LPIN2: variants seen among roughly 807,000 people sequenced by gnomAD.
LPIN2 encodes the protein phosphatidate phosphatase LPIN2.
In LPIN2, 55 loss-of-function variants were observed where a neutral mutation model predicts 111.4. That is an observed-to-expected ratio of 0.49 (90% CI 0.40 to 0.62). The LOEUF is 0.62. LPIN2 is among the 20% of genes least tolerant of loss of function. The probability of loss-of-function intolerance (pLI) is 0.00; values close to 1 mark genes in which losing one functional copy is unlikely to be tolerated. For synonymous variants in LPIN2, 425 were observed against 414.0 expected, an observed-to-expected ratio of 1.03 and a Z score of -0.32; for missense variants, 992 against 1,112.1, an observed-to-expected ratio of 0.89 and a Z score of 1.54.
At position 2,931,281 on chromosome 18, in the gene LPIN2, G is replaced by A. The variant is rs1397482128; in HGVS notation, c.1431C>T (p.Leu477=). 3 of 1,614,178 alleles carry A rather than the reference G, an allele frequency of 1.9e-6. No homozygotes were observed. The highest frequency in any genetic ancestry group is 2.5e-6 in the Non-Finnish European group (3 of 1,180,042). Residue 477 remains leucine, a synonymous_variant, in exon 9 of 20, where the codon CTC becomes CTT. Transcript: ENST00000677752. ...PDVTLSLCGG[L]SENGEISKEK... ...CTTTTGAAATTTCTCCATTTTCACT[G>A]AGGCCCCCGCAAAGGGAGAGGGTAA...
chr18:3,009,435 A>G (rs149224165), intron 1 of LPIN2, among the ~76,000 whole-genome samples: 132 of 151,186 alleles, frequency 8.7e-4, no homozygotes, highest in African/African-American at 2.8e-3. Flanking sequence ...AATAAGTACC[A>G]TTTTTTGTTT....
intron 1 of LPIN2, chr18:2,985,359 G>A (rs1353105794): frequency 6.6e-6 from 1 of 152,106 alleles, no homozygotes; most frequent in African/African-American, 2.4e-5. Flanking sequence ...CTACTGTATT[G>A]TCAAACTTTT....
intron 10 of LPIN2, 52 bp downstream of exon 10, chr18:2,929,013 T>C: frequency 1.7e-6 from 2 of 1,201,130 alleles, no homozygotes; most frequent in Non-Finnish European, 2.5e-6. Flanking sequence ...AAAATGGCAC[T>C]TGTAAAAAAA....
At chr18:2,954,155 T>C (rs1215470779) in intron 3 of LPIN2, among the ~76,000 whole-genome samples, 2 of 152,208 alleles carry the variant, frequency 1.3e-5, no homozygotes, top group African/African-American at 2.4e-5. Context: ...AGAAGAGAAA[T>C]GCCCTACTCA....
At chr18:2,982,704 T>C (rs1307187730) in intron 1 of LPIN2, 1 of 1,303,728 alleles carries the variant, frequency 7.7e-7, no homozygotes, top group Non-Finnish European at 1.0e-6. Flanking sequence ...GGTAAACATC[T>C]TGAGTTTTAC....
In LPIN2 at chr18:2,937,759, T is replaced by A; in HGVS notation, c.1101A>T (p.Ala367=). ...ATTCTGAGGGCGCCTCCGCTAAGGCTGCGTTGGGAAGGTGGTCAGCATCTA... is the reference window on the plus strand; with the variant it reads ...ATTCTGAGGGCGCCTCCGCTAAGGCAGCGTTGGGAAGGTGGTCAGCATCTA... The part of the protein sequence containing the change: ...SMLDADHLPN[A]ALAEAPSESK... Residue 367 remains alanine, a synonymous_variant, in exon 7 of 20, where the codon GCA becomes GCT. Coordinates refer to ENST00000677752, the MANE Select transcript of LPIN2 (RefSeq NM_001375808.2). The A allele has an allele frequency of 6.2e-7, 1 of 1,614,074 alleles. No homozygotes were observed. The highest frequency in any genetic ancestry group is 8.5e-7 in the Non-Finnish European group (1 of 1,180,020).
rs201976577 is a variant in LPIN2 at position 2,929,026 on chromosome 18, G to C, written c.1550+39C>G. ...TAAAAATGGCACTTGTAAAAAAACT[G>C]CAAGAGTATTTAACAATTATAAAAG... On this transcript the variant is annotated intron_variant, in intron 10 of 19. Coordinates refer to ENST00000677752, the MANE Select transcript of LPIN2 (RefSeq NM_001375808.2). 1.6e-5 allele frequency: 21 copies of C among 1,302,294 alleles called. No individual in the cohort carries two copies. The Middle Eastern group carries it at 5.9e-4, about 36-fold the overall frequency. The allele number at this position is 1,302,294 out of a possible 1,614,324, so 80.7% of individuals were successfully genotyped here. A position where few individuals can be genotyped will look rare whatever the true frequency, so the allele number is the denominator to read the frequency against.
intron 1 of LPIN2, among the ~76,000 whole-genome samples, chr18:2,991,810 G>A (rs2143427443): frequency 6.6e-6 from 1 of 152,218 alleles, no homozygotes; most frequent in African/African-American, 2.4e-5. Flanking sequence ...AGGAATTCAA[G>A]ATCAGCCTGG....
intron 1 of LPIN2, among the ~76,000 whole-genome samples, chr18:3,000,322 A>T (rs2078416344): frequency 6.6e-6 from 1 of 152,282 alleles, no homozygotes; most frequent in Non-Finnish European, 1.5e-5. Flanking sequence ...CAGGAGTTGG[A>T]TATTATCAAA....
At chr18:2,953,251 C>T (rs958260022) in intron 3 of LPIN2, among the ~76,000 whole-genome samples, 18 of 152,082 alleles carry the variant, frequency 1.2e-4, no homozygotes, top group African/African-American at 3.6e-4. Flanking sequence ...GCCATGAAAA[C>T]GAGGTTAACA....
chr18:2,927,748 G>A lies in LPIN2; in HGVS notation c.1684C>T (p.Arg562Ter). 3 of 1,613,994 alleles carry A rather than the reference G, an allele frequency of 1.9e-6. No homozygotes were observed. The highest frequency in any genetic ancestry group is 1.7e-6 in the Non-Finnish European group (2 of 1,179,984). The change falls in exon 12 of 20, where the codon CGA (arginine) becomes TGA (stop). Residue 562 changes from arginine (R) to a stop codon, truncating the protein, a stop_gained. Transcript: ENST00000677752. LOFTEE classifies it high-confidence loss of function. ...PKKSGRWWFW[R>*]KRESMTKQLP... ...TGTTTGGTCATGCTTTCTCTCTTTCGCCAAAACCACCAGCGACCAGATTTC... is the reference window on the plus strand; with the variant it reads ...TGTTTGGTCATGCTTTCTCTCTTTCACCAAAACCACCAGCGACCAGATTTC...
chr18:2,954,455 A>G (rs1307604174), intron 3 of LPIN2, 49 bp downstream of exon 3: 2 of 1,350,608 alleles, frequency 1.5e-6, no homozygotes, highest in Admixed American at 1.7e-5. Flanking sequence ...GCCACGTACC[A>G]GAGGCCTGAG....
chr18:2,936,407 T>A (rs1187620646), intron 7 of LPIN2, among the ~76,000 whole-genome samples: 1 of 152,188 alleles, frequency 6.6e-6, no homozygotes, highest in Non-Finnish European at 1.5e-5. Context: ...TAAACTTGTG[T>A]TCCAAAAGTG....
chr18:2,953,799 A>T (rs900433179), intron 3 of LPIN2, among the ~76,000 whole-genome samples: 3 of 152,242 alleles, frequency 2.0e-5, no homozygotes, highest in African/African-American at 7.2e-5. Flanking sequence ...GATGCACATT[A>T]CGTGATCTGA....
intron 1 of LPIN2, among the ~76,000 whole-genome samples, chr18:2,997,641 T>C (rs2078365940): frequency 6.6e-6 from 1 of 152,184 alleles, no homozygotes; most frequent in Non-Finnish European, 1.5e-5. Flanking sequence ...GCATCAATCA[T>C]TGTTTAATGA....
chr18:2,957,553 T>C (rs1718821959), intron 2 of LPIN2, among the ~76,000 whole-genome samples: 1 of 152,170 alleles, frequency 6.6e-6, no homozygotes, highest in Non-Finnish European at 1.5e-5. Context: ...CCAATAAATA[T>C]ATCTCTTTCC....
At chr18:3,005,274 C>T (rs1390668352) in intron 1 of LPIN2, among the ~76,000 whole-genome samples, 1 of 148,908 alleles carries the variant, frequency 6.7e-6, no homozygotes, top group Non-Finnish European at 1.5e-5. Flanking sequence ...CGTTTAAACC[C>T]AGGAGGTAGA....
At chr18:2,921,857 G>A (rs1358919178) in intron 17 of LPIN2, among the ~76,000 whole-genome samples, 190 bp downstream of exon 17, 2 of 152,278 alleles carry the variant, frequency 1.3e-5, no homozygotes, top group Admixed American at 6.5e-5. Context: ...CCTAGAACCT[G>A]CCTTTCTTCA....
At chr18:2,938,941 C>T (rs549117641) in intron 6 of LPIN2, among the ~76,000 whole-genome samples, 8 of 152,188 alleles carry the variant, frequency 5.3e-5, no homozygotes, top group Non-Finnish European at 8.8e-5. Flanking sequence ...ATCTCTTGAG[C>T]CCAGGAGTTT....
Sources: gnomAD v4.1 joint callset for allele counts (sites outside exome capture counted in the v4.1 genomes callset) on GRCh38, gnomAD v4.1.1 for gene constraint, MANE v1.5 for transcripts, NCBI Gene and HGNC (gene_info 2026-07-23, HGNC 2026-07-21) for gene names.